Variants in KLHL23 observed in about 807,000 individuals in gnomAD.
The protein encoded by KLHL23 is kelch-like protein 23.
In KLHL23, 33 loss-of-function variants were observed where a neutral mutation model predicts 48.9. The ratio of observed to expected loss-of-function variants is 0.67; its 90% CI spans 0.51 to 0.90. The LOEUF is 0.90. KLHL23 is among the 40% of genes least tolerant of loss of function. The pLI, the probability that KLHL23 is intolerant of heterozygous loss-of-function variation, is 0.00. For synonymous variants in KLHL23, 234 were observed against 231.6 expected, an observed-to-expected ratio of 1.01 and a Z score of -0.09; for missense variants, 608 against 669.6, an observed-to-expected ratio of 0.91 and a Z score of 1.02.
At chr2:169,742,167 A>G (rs1688690981) in intron 3 of KLHL23, among the ~76,000 whole-genome samples, 2 of 152,216 alleles carry the variant, frequency 1.3e-5, no homozygotes, top group South Asian at 4.1e-4. Context: ...CAGTTATGCC[A>G]TAGGTTTAAG....
Position 169,749,899 on chromosome 2 carries a change from G to A in KLHL23, c.*167G>A. 1 of 484,836 alleles carries A rather than the reference G, an allele frequency of 2.1e-6. No individual in the cohort carries two copies. Among genetic ancestry groups the A allele is most frequent in the Non-Finnish European group, 3.2e-6 (1 of 309,006 alleles). 30.0% of individuals were successfully genotyped at this position (484,836 alleles called of 1,614,324 possible). ...TGTACTCCCAAACATGGTGATTCAT[G>A]GTCAAGAAAAATCTTATATATATAT... On this transcript the variant is annotated 3_prime_UTR_variant, in exon 4 of 4. Transcript: ENST00000392647.
At chr2:169,740,768 A>ATT (rs1688656497) in intron 2 of KLHL23, among the ~76,000 whole-genome samples, 2 of 41,858 alleles carry the variant, frequency 4.8e-5, no homozygotes, top group African/African-American at 2.1e-4. Flanking sequence ...TTTTTATATT[A>ATT]TATATATATA....
At position 169,735,036 on chromosome 2, in the gene KLHL23, G is replaced by C; in HGVS notation, c.22G>C (p.Asp8His). The change falls in exon 2 of 4, where the codon GAT becomes CAT. Residue 8 changes from aspartate to histidine, a missense_variant. Asp to His is a moderately conservative substitution (Grantham distance 81, BLOSUM62 -1). Coordinates refer to ENST00000392647, the MANE Select transcript of KLHL23 (RefSeq NM_144711.6). This position sits in a 1 kb window ranked among gnomAD's most constrained non-coding sequence, Gnocchi z 4.5. MALKGQE[D>H]YIYLFKDSTH... ...AGCCATGGCTCTAAAAGGACAAGAA[G>C]ATTATATTTATCTTTTCAAGGATTC... is the stretch of plus-strand genomic sequence containing the variant. The C allele has an allele frequency of 1.3e-6, 2 of 1,562,814 alleles. No individual in the cohort carries two copies. Among genetic ancestry groups the C allele is most frequent in the Non-Finnish European group, 1.7e-6 (2 of 1,159,564 alleles).
rs758216856 is a variant in KLHL23, at chr2:169,741,469, A to G, written c.1298A>G (p.Tyr433Cys). 6.8e-6 allele frequency: 11 copies of G among 1,613,940 alleles called. No individual in the cohort carries two copies. The Admixed American group carries it at 1.2e-4, about 17-fold the overall frequency. ...TGTGGCTACAGAGGAAGCTGCACCTATGACAAAGTTCAGAGCTACAATTCC... is the reference window on the plus strand; with the variant it reads ...TGTGGCTACAGAGGAAGCTGCACCTGTGACAAAGTTCAGAGCTACAATTCC... The part of the protein sequence containing the change: ...GHCGYRGSCT[Y>C]DKVQSYNSDI... The change falls in exon 3 of 4, where the codon TAT (tyrosine) becomes TGT (cysteine). Residue 433 changes from tyrosine to cysteine, a missense_variant. Around this residue, in one of 3 missense-constraint regions of KLHL23, gnomAD observed 179 missense variants for 169.9 expected, o/e 1.05. Coordinates refer to ENST00000392647, the MANE Select transcript of KLHL23 (RefSeq NM_144711.6).
chr2:169,734,363 C>T (rs1688458994), intron 1 of KLHL23, among the ~76,000 whole-genome samples: 1 of 148,522 alleles, frequency 6.7e-6, no homozygotes, highest in South Asian at 2.1e-4. Flanking sequence ...TCGAGTCCAG[C>T]CCCGCTCCTG....
rs764962308 is a variant in KLHL23, at chr2:169,741,530, A to G, written c.1359A>G (p.Pro453=). The G allele has an allele frequency of 1.2e-6, 2 of 1,612,364 alleles. No individual in the cohort carries two copies. Among genetic ancestry groups the G allele is most frequent in the East Asian group, 2.2e-5 (1 of 44,872 alleles). Residue 453 remains proline (P), a synonymous_variant, in exon 3 of 4, where the codon CCA becomes CCG. Coordinates refer to ENST00000392647, the MANE Select transcript of KLHL23 (RefSeq NM_144711.6). ...AATGGAGCCTCATCACCTCCAGTCC[A>G]CATCCAGGTAACAAAAATACTGTCT... ...INEWSLITSS[P]HPEYGLCSVP... is the part of the protein sequence containing the mutation.
chr2:169,749,819 A>C lies in KLHL23; in HGVS notation c.*87A>C, dbSNP rs1387911516. 4 of 1,468,080 alleles carry C rather than the reference A, an allele frequency of 2.7e-6. No individual in the cohort carries two copies. Among genetic ancestry groups the C allele is most frequent in the South Asian group, 2.8e-5 (2 of 70,870 alleles). 90.9% of individuals were successfully genotyped at this position (1,468,080 alleles called of 1,614,324 possible). A position where few individuals can be genotyped will look rare whatever the true frequency, so the allele number is the denominator to read the frequency against. On this transcript the variant is annotated 3_prime_UTR_variant, in exon 4 of 4. Coordinates refer to ENST00000392647, the MANE Select transcript of KLHL23 (RefSeq NM_144711.6). ...TGCAGGGTTTGAAGTTCCTTACCTG[A>C]TAATTGTGTCTGGCACATGATAGGG...
chr2:169,748,463 G>C (rs1330842584), intron 3 of KLHL23, among the ~76,000 whole-genome samples: 1 of 152,198 alleles, frequency 6.6e-6, no homozygotes, highest in Non-Finnish European at 1.5e-5. Flanking sequence ...TATTCCCAGA[G>C]AGTGAACTGA....
chr2:169,750,060 G>GTGTATATATACGTGTGTATGTATACA lies in KLHL23; in HGVS notation c.*329_*330insGTATATATACGTGTGTATGTATACAT, dbSNP rs1688927693. 1.1e-3 allele frequency: 22 copies of GTGTATATATACGTGTGTATGTATACA among 20,256 alleles called. 5 individuals are homozygous for GTGTATATATACGTGTGTATGTATACA. Among genetic ancestry groups the GTGTATATATACGTGTGTATGTATACA allele is most frequent in the African/African-American group, 3.3e-3 (22 of 6,568 alleles). The allele number at this position is 20,256 out of a possible 1,614,324, so 1.3% of individuals were successfully genotyped here. A position where few individuals can be genotyped will look rare whatever the true frequency, so the allele number is the denominator to read the frequency against. ...GTATATATAGTATGTATGTATACATGTATGTGTATATATACGTATGTATGT... is the reference window on the plus strand; with the variant it reads ...GTATATATAGTATGTATGTATACATGTGTATATATACGTGTGTATGTATACATATGTGTATATATACGTATGTATGT... On this transcript the variant is annotated 3_prime_UTR_variant, in exon 4 of 4. Transcript: ENST00000392647.
At position 169,736,126 on chromosome 2, in the gene KLHL23, T is replaced by A. The variant is rs1172929643; in HGVS notation, c.1112T>A (p.Val371Asp). 6.2e-7 allele frequency: 1 copy of A among 1,614,180 alleles called. No homozygotes were observed. Among genetic ancestry groups the A allele is most frequent in the South Asian group, 1.1e-5 (1 of 91,090 alleles). The change falls in exon 2 of 4, where the codon GTC becomes GAC. Residue 371 changes from valine to aspartate, a missense_variant. By Grantham distance (152) the Val-to-Asp change is radical. This residue lies in a region of KLHL23 where 419 missense variants were observed against 473.1 expected (regional missense o/e 0.89). Transcript: ENST00000392647. ...YHCAVTLGGC[V>D]YALGGYRKGA... ...TGTGCAGTCACCTTGGGTGGCTGTG[T>A]CTATGCTTTAGGTGGTTACAGAAAA...
At chr2:169,736,478 A>T (rs139157674) in intron 2 of KLHL23, among the ~76,000 whole-genome samples, 2,313 of 152,268 alleles carry the variant, frequency 0.015, 23 homozygotes, top group Non-Finnish European at 0.025. Context: ...TCATTTTTTC[A>T]TGTTCTTAAA....
In KLHL23 at chr2:169,735,112, G is replaced by C; in HGVS notation, c.98G>C (p.Gly33Ala). 3 of 1,611,348 alleles carry C rather than the reference G, an allele frequency of 1.9e-6. No individual in the cohort carries two copies. Among genetic ancestry groups the C allele is most frequent in the Non-Finnish European group, 2.5e-6 (3 of 1,179,422 alleles). Reference sequence around the variant, plus strand: ...GCATTCAGAACATTTTACTTGGATGGATTATTTACTGATATTACTCTTCAG... The same window carrying C: ...GCATTCAGAACATTTTACTTGGATGCATTATTTACTGATATTACTCTTCAG... ...LDAFRTFYLD[G>A]LFTDITLQCP... The change falls in exon 2 of 4, where the codon GGA (glycine) becomes GCA (alanine). Residue 33 changes from glycine (G) to alanine (A), a missense_variant. Around this residue, in one of 3 missense-constraint regions of KLHL23, gnomAD observed 419 missense variants for 473.1 expected, o/e 0.89. Coordinates refer to ENST00000392647, the MANE Select transcript of KLHL23 (RefSeq NM_144711.6). This position sits in a 1 kb window ranked among gnomAD's most constrained non-coding sequence, Gnocchi z 4.5.
In KLHL23 at chr2:169,751,288, T is replaced by TA. The variant is rs1471168294; in HGVS notation, c.*1561dup. 1 of 152,176 alleles carries TA rather than the reference T, an allele frequency of 6.6e-6. No individual in the cohort carries two copies. The highest frequency in any genetic ancestry group is 1.5e-5 in the Non-Finnish European group (1 of 68,046). The allele number at this position is 152,176 out of a possible 1,614,324, so 9.4% of individuals were successfully genotyped here. A position where few individuals can be genotyped will look rare whatever the true frequency, so the allele number is the denominator to read the frequency against. On this transcript the variant is annotated 3_prime_UTR_variant, in exon 4 of 4. Coordinates refer to ENST00000392647, the MANE Select transcript of KLHL23 (RefSeq NM_144711.6). ...CATCTATTCCACACTCTTCATTTTT[T>TA]AAAAAGAGACAATAATTATTTTTAA...
chr2:169,741,542 C>A lies in KLHL23; in HGVS notation c.1366+5C>A. The A allele has an allele frequency of 3.1e-6, 5 of 1,611,048 alleles. No homozygotes were observed. Among genetic ancestry groups the A allele is most frequent in the Non-Finnish European group, 4.2e-6 (5 of 1,178,314 alleles). ...TCACCTCCAGTCCACATCCAGGTAA[C>A]AAAAATACTGTCTCAAATAGTGTAT... On this transcript the variant is annotated splice_donor_5th_base_variant and intron_variant, in intron 3 of 3. Coordinates refer to ENST00000392647, the MANE Select transcript of KLHL23 (RefSeq NM_144711.6).
rs1688936172 is a variant in KLHL23 at position 169,750,118 on chromosome 2, A to ATGTATACATATATGTG, written c.*387_*388insGTATACATATATGTGT. The ATGTATACATATATGTG allele has an allele frequency of 5.5e-5, 8 of 145,934 alleles. No individual in the cohort carries two copies. The highest frequency in any genetic ancestry group is 1.2e-4 in the Non-Finnish European group (8 of 66,730). The allele number at this position is 145,934 out of a possible 1,614,324, so 9.0% of individuals were successfully genotyped here. A position where few individuals can be genotyped will look rare whatever the true frequency, so the allele number is the denominator to read the frequency against. On this transcript the variant is annotated 3_prime_UTR_variant, in exon 4 of 4. Transcript: ENST00000392647. ...TATGTGTATACATATATATGTGTGT[A>ATGTATACATATATGTG]TATATATACACATATATACGTATAT...
At chr2:169,740,555 TCTC>T (rs1377520619) in intron 2 of KLHL23, among the ~76,000 whole-genome samples, 1 of 144,136 alleles carries the variant, frequency 6.9e-6, no homozygotes, top group African/African-American at 2.6e-5. Context: ...TTCACGCCAT[TCTC>T]CTGCCTCAGC....
At position 169,740,766 on chromosome 2, in the gene KLHL23, T is replaced by TTATATATATATA. The variant is rs55779546; in HGVS notation, c.1214-604_1214-593dup. On this transcript the variant is annotated intron_variant, in intron 2 of 3. Coordinates refer to ENST00000392647, the MANE Select transcript of KLHL23 (RefSeq NM_144711.6). Reference sequence around the variant, plus strand: ...CCCGGCCTCTATAAGCTTTTTTATATTATATATATATATATATATATATAT... The same window carrying TTATATATATATA: ...CCCGGCCTCTATAAGCTTTTTTATATTATATATATATATATATATATATATATATATATATAT... Among the ~76,000 whole-genome samples, 23 of 125,512 alleles carry TTATATATATATA rather than the reference T, an allele frequency of 1.8e-4. 1 individual carries two copies. Among genetic ancestry groups the TTATATATATATA allele is most frequent in the African/African-American group, 6.1e-4 (20 of 33,030 alleles). 82.3% of individuals were successfully genotyped at this position (125,512 alleles called of 152,430 possible).
chr2:169,750,119 T>A lies in KLHL23; in HGVS notation c.*387T>A. The A allele has an allele frequency of 6.8e-6, 1 of 146,414 alleles. No individual in the cohort carries two copies. Among genetic ancestry groups the A allele is most frequent in the South Asian group, 2.1e-4 (1 of 4,766 alleles). The allele number at this position is 146,414 out of a possible 1,614,324, so 9.1% of individuals were successfully genotyped here. ...ATGTGTATACATATATATGTGTGTA[T>A]ATATATACACATATATACGTATATA... On this transcript the variant is annotated 3_prime_UTR_variant, in exon 4 of 4. Transcript: ENST00000392647.
Position 169,751,531 on chromosome 2 carries a change from A to G in KLHL23, c.*1799A>G, listed in dbSNP as rs1688968477. On this transcript the variant is annotated 3_prime_UTR_variant, in exon 4 of 4. Transcript: ENST00000392647. ...TAAAAATAATTCAGAAAAAAGATAA[A>G]TGCATGAAGACATTTATGTCTGCAT... 6.6e-6 allele frequency: 1 copy of G among 152,222 alleles called. No individual in the cohort carries two copies. The highest frequency in any genetic ancestry group is 2.1e-4 in the South Asian group (1 of 4,834). The allele number at this position is 152,222 out of a possible 1,614,324, so 9.4% of individuals were successfully genotyped here.
Sources: allele counts gnomAD v4.1 joint callset (sites outside exome capture counted in the v4.1 genomes callset), GRCh38; gene constraint gnomAD v4.1.1; regional missense constraint gnomAD v4.1.1; non-coding constraint Gnocchi (gnomAD v3.1); transcripts MANE v1.5; gene names NCBI Gene and HGNC (gene_info 2026-07-23, HGNC 2026-07-21).